The following SLC24A2 variants were observed in gnomAD, a reference collection of about 807,000 sequenced individuals.
The protein encoded by SLC24A2 is sodium/potassium/calcium exchanger 2.
In SLC24A2, 36 loss-of-function variants were observed where a neutral mutation model predicts 62.0. The observed-to-expected ratio is 0.58, with a 90% confidence interval of 0.44 to 0.77. SLC24A2 has a LOEUF of 0.77. Among genes scored for constraint, SLC24A2 ranks in the 30% least tolerant of loss-of-function variants. SLC24A2 has a pLI of 0.00. For missense variants in SLC24A2, 846 were observed against 817.9 expected (o/e 1.03, Z -0.42); for synonymous variants, 358 against 294.0 (o/e 1.22, Z -2.23).
chr9:19,780,727 G>T (rs1226882696), intron 2 of SLC24A2, among the ~76,000 whole-genome samples: 2 of 151,688 alleles, frequency 1.3e-5, no homozygotes, highest in Admixed American at 1.3e-4. Flanking sequence ...CAAAAAATTA[G>T]CCGGGCGCGG....
At chr9:19,843,845 G>C in the SLC24A2 span, among the ~76,000 whole-genome samples, 1 of 152,114 alleles carries the variant, frequency 6.6e-6, no homozygotes, top group African/African-American at 2.4e-5. Flanking sequence ...TTGCTGCAAA[G>C]GACATGATTT....
At chr9:19,832,439 G>A in the SLC24A2 span, among the ~76,000 whole-genome samples, 1 of 152,286 alleles carries the variant, frequency 6.6e-6, no homozygotes, top group African/African-American at 2.4e-5. Context: ...GTCATGTTGT[G>A]TAGACTAGAA....
chr9:19,561,520 C>T (rs186262564), intron 7 of SLC24A2, among the ~76,000 whole-genome samples: 18 of 148,094 alleles, frequency 1.2e-4, no homozygotes, highest in Middle Eastern at 3.5e-3. Context: ...CTGCAACCTC[C>T]GCCTCCTGGG....
chr9:20,081,624 T>TATA, the SLC24A2 span, among the ~76,000 whole-genome samples: 141 of 151,770 alleles, frequency 9.3e-4, no homozygotes, highest in African/African-American at 1.2e-3. Flanking sequence ...AAATTTAAAG[T>TATA]ATAATAATAA....
At chr9:20,147,017 T>A in the SLC24A2 span, among the ~76,000 whole-genome samples, 1 of 152,098 alleles carries the variant, frequency 6.6e-6, no homozygotes, top group African/African-American at 2.4e-5. Flanking sequence ...ATTTAAAGAA[T>A]AACGTACAAC....
At chr9:19,783,130 T>C (rs1419970449) in intron 2 of SLC24A2, among the ~76,000 whole-genome samples, 1 of 152,220 alleles carries the variant, frequency 6.6e-6, no homozygotes, top group East Asian at 1.9e-4. Flanking sequence ...ATGTACATCA[T>C]CAACAATGGA....
the SLC24A2 span, among the ~76,000 whole-genome samples, chr9:19,963,305 T>G: frequency 4.3e-4 from 64 of 149,960 alleles, 1 homozygote; most frequent in Admixed American, 4.0e-3. Flanking sequence ...GACATAGGCA[T>G]GGGTAAGGAC....
chr9:19,974,907 G>T, the SLC24A2 span, among the ~76,000 whole-genome samples: 1 of 152,178 alleles, frequency 6.6e-6, no homozygotes, highest in Non-Finnish European at 1.5e-5. Flanking sequence ...TTACAAGATG[G>T]ATGCCATGGC....
the SLC24A2 span, among the ~76,000 whole-genome samples, chr9:20,217,131 A>G: frequency 4.6e-5 from 7 of 152,224 alleles, no homozygotes; most frequent in South Asian, 1.4e-3. Flanking sequence ...AATACCGTAC[A>G]ACAATAAGAA....
At chr9:20,227,086 T>A in the SLC24A2 span, among the ~76,000 whole-genome samples, 4 of 152,090 alleles carry the variant, frequency 2.6e-5, no homozygotes, top group Admixed American at 2.6e-4. Context: ...TAGTAACAAA[T>A]CCCTTTTAGA....
At chr9:19,735,457 C>T (rs890638153) in intron 2 of SLC24A2, among the ~76,000 whole-genome samples, 105 of 152,118 alleles carry the variant, frequency 6.9e-4, no homozygotes, top group African/African-American at 2.4e-3. Context: ...GGCGATTCCT[C>T]AGGGATCTAG....
chr9:20,289,004 G>C, the SLC24A2 span, among the ~76,000 whole-genome samples: 1 of 151,984 alleles, frequency 6.6e-6, no homozygotes, highest in East Asian at 1.9e-4. Context: ...GATAATTCCA[G>C]CCACTAGATT....
the SLC24A2 span, among the ~76,000 whole-genome samples, chr9:20,225,671 T>A: frequency 6.9e-6 from 1 of 145,760 alleles, no homozygotes; most frequent in South Asian, 2.3e-4. Flanking sequence ...TACACATACA[T>A]GAGGAAGTCA....
the SLC24A2 span, among the ~76,000 whole-genome samples, chr9:20,089,585 C>A: frequency 6.6e-6 from 1 of 152,012 alleles, no homozygotes; most frequent in Non-Finnish European, 1.5e-5. Context: ...GCCCCTAGCT[C>A]ATGACCACAG....
chr9:19,901,258 G>C, the SLC24A2 span, among the ~76,000 whole-genome samples: 1 of 152,192 alleles, frequency 6.6e-6, no homozygotes, highest in Non-Finnish European at 1.5e-5. Context: ...GGCACAAAGG[G>C]AGTTTAAGAC....
the SLC24A2 span, among the ~76,000 whole-genome samples, chr9:20,164,943 A>T: frequency 8.8e-5 from 12 of 136,400 alleles, no homozygotes; most frequent in East Asian, 6.7e-4. Flanking sequence ...ATGAGAACAC[A>T]TGGACACAGG....
intron 2 of SLC24A2, among the ~76,000 whole-genome samples, chr9:19,652,028 C>G (rs1043871433): frequency 3.3e-5 from 5 of 152,206 alleles, no homozygotes; most frequent in Admixed American, 6.5e-5. Context: ...GATACCCACA[C>G]TACTTTGTTC....
At chr9:19,728,701 T>C (rs374646658) in intron 2 of SLC24A2, among the ~76,000 whole-genome samples, 1 of 151,976 alleles carries the variant, frequency 6.6e-6, no homozygotes, top group African/African-American at 2.4e-5. Context: ...AGTTTAATTG[T>C]TCAGACTGGT....
the SLC24A2 span, among the ~76,000 whole-genome samples, chr9:20,211,872 G>A: frequency 6.6e-6 from 1 of 151,778 alleles, no homozygotes; most frequent in Admixed American, 6.6e-5. Context: ...ATTGGTCAAA[G>A]AACAATTTTT....
Sources: gnomAD v4.1 joint callset for allele counts (sites outside exome capture counted in the v4.1 genomes callset) on GRCh38, gnomAD v4.1.1 for gene constraint, MANE v1.5 for transcripts, NCBI Gene and HGNC (gene_info 2026-07-23, HGNC 2026-07-21) for gene names.